CSMD1: variants seen among roughly 807,000 people sequenced by gnomAD.
CSMD1 encodes CUB and Sushi multiple domains 1.
In CSMD1, 213 loss-of-function variants were observed where a neutral mutation model predicts 417.5. The observed-to-expected ratio is 0.51, with a 90% CI of 0.46 to 0.57. The LOEUF is 0.57. Among genes scored for constraint, CSMD1 ranks in the 20% least tolerant of loss-of-function variants. CSMD1 has a pLI of 0.00. For missense variants in CSMD1, 6,923 were observed against 4,529.7 expected (o/e 1.53, Z -15.17); for synonymous variants, 2,862 against 1,736.8 (o/e 1.65, Z -16.11).
At chr8:4,040,562 T>G (rs969836339) in intron 3 of CSMD1, among the ~76,000 whole-genome samples, 2 of 152,290 alleles carry the variant, frequency 1.3e-5, no homozygotes, top group Admixed American at 6.5e-5. Flanking sequence ...AGATCTACGG[T>G]GTTCACAATG....
chr8:3,683,054 G>T (rs1379663011), intron 7 of CSMD1, among the ~76,000 whole-genome samples: 1 of 152,062 alleles, frequency 6.6e-6, no homozygotes, highest in African/African-American at 2.4e-5. Context: ...TGTGGGGTGG[G>T]GGTAGAGGGA....
intron 5 of CSMD1, among the ~76,000 whole-genome samples, chr8:3,935,791 A>G (rs1217033413): frequency 6.6e-6 from 1 of 152,168 alleles, no homozygotes; most frequent in East Asian, 1.9e-4. Flanking sequence ...ATAAGCCTAC[A>G]GTGGCCTTTA....
intron 5 of CSMD1, among the ~76,000 whole-genome samples, chr8:3,865,615 T>C (rs1233678494): frequency 6.6e-6 from 1 of 152,160 alleles, no homozygotes; most frequent in Non-Finnish European, 1.5e-5. Context: ...GCCAATGTGT[T>C]ATTCCTTCAT....
chr8:4,216,752 A>G (rs933608569), intron 3 of CSMD1, among the ~76,000 whole-genome samples: 3 of 152,208 alleles, frequency 2.0e-5, no homozygotes, highest in African/African-American at 7.2e-5. Context: ...GACCTTTAAA[A>G]TTACCATTCT....
At chr8:4,761,882 TCTATCTAC>T (rs67197848) in intron 1 of CSMD1, among the ~76,000 whole-genome samples, 15,144 of 96,572 alleles carry the variant, frequency 0.16, 991 homozygotes, top group East Asian at 0.3. Context: ...TATCTATCTA[TCTATCTAC>T]CTACCTATCT....
chr8:3,401,432 G>C (rs1812031904), intron 15 of CSMD1, among the ~76,000 whole-genome samples: 1 of 152,056 alleles, frequency 6.6e-6, no homozygotes, highest in African/African-American at 2.4e-5. Context: ...GTTAGAACCT[G>C]AATTGCTTTA....
chr8:3,695,079 A>G (rs1585088981), intron 7 of CSMD1, among the ~76,000 whole-genome samples: 1 of 61,200 alleles, frequency 1.6e-5, no homozygotes, highest in South Asian at 6.0e-4. Flanking sequence ...AAAGAATTGG[A>G]GGCCCTGCGT....
chr8:3,674,950 G>A (rs180676942), intron 7 of CSMD1, among the ~76,000 whole-genome samples: 1 of 152,204 alleles, frequency 6.6e-6, no homozygotes, highest in Non-Finnish European at 1.5e-5. Context: ...GCCTCTGTAG[G>A]CCAAAAACAT....
intron 3 of CSMD1, among the ~76,000 whole-genome samples, chr8:4,214,109 C>A (rs142915382): frequency 1.3e-5 from 2 of 151,784 alleles, no homozygotes; most frequent in African/African-American, 4.9e-5. Flanking sequence ...CAATTTCATT[C>A]CAGTTTTTTT....
intron 5 of CSMD1, among the ~76,000 whole-genome samples, chr8:3,897,415 G>C (rs1179599908): frequency 1.3e-5 from 2 of 152,046 alleles, no homozygotes; most frequent in African/African-American, 2.4e-5. Flanking sequence ...GTTTCTCAAA[G>C]ACCTGTTATT....
intron 1 of CSMD1, among the ~76,000 whole-genome samples, chr8:4,774,891 G>C (rs1044597795): frequency 3.3e-5 from 5 of 152,246 alleles, no homozygotes; most frequent in African/African-American, 1.2e-4. Context: ...AGTTACCTGA[G>C]GCCTCCGCAG....
chr8:4,273,412 G>C (rs899743178), intron 3 of CSMD1, among the ~76,000 whole-genome samples: 2 of 152,100 alleles, frequency 1.3e-5, no homozygotes, highest in East Asian at 3.9e-4. Flanking sequence ...GTGCAACCCT[G>C]CTCAGGTCAA....
rs147890157 is a variant in CSMD1 at position 4,435,268 on chromosome 8, T to G, written c.303-15203A>C. Among the ~76,000 whole-genome samples the G allele has an allele frequency of 6.2e-3, 941 of 152,336 alleles. 11 individuals carry two copies. The highest frequency in any genetic ancestry group is 0.022 in the African/African-American group (901 of 41,588). On this transcript the variant is annotated intron_variant, in intron 2 of 69. Coordinates refer to ENST00000635120, the MANE Select transcript of CSMD1 (RefSeq NM_033225.6). ...AATGTATGTTTTATAAGTACTTTGT[T>G]AATCCACCTACTGTTCACAAATGAT...
At chr8:4,560,024 T>G (rs896162811) in intron 2 of CSMD1, among the ~76,000 whole-genome samples, 1 of 152,200 alleles carries the variant, frequency 6.6e-6, no homozygotes, top group Admixed American at 6.5e-5. Flanking sequence ...AGAAATGCAG[T>G]TGACAGACAG....
intron 7 of CSMD1, among the ~76,000 whole-genome samples, chr8:3,626,246 C>A (rs1796487457): frequency 6.6e-6 from 1 of 152,174 alleles, no homozygotes; most frequent in African/African-American, 2.4e-5. Context: ...GACTTAGGGC[C>A]TGTCATTTCT....
rs192374392 is a variant in CSMD1 at position 4,709,045 on chromosome 8, A to G, written c.86-71487T>C. On this transcript the variant is annotated intron_variant, in intron 1 of 69. Coordinates refer to ENST00000635120, the MANE Select transcript of CSMD1 (RefSeq NM_033225.6). ...GTCTATTGCTGAAGCTTCCCAGTCTATGGTACTTTGTTATGGGAGCCCTAG... is the reference window on the plus strand; with the variant it reads ...GTCTATTGCTGAAGCTTCCCAGTCTGTGGTACTTTGTTATGGGAGCCCTAG... Among the ~76,000 whole-genome samples, 34 of 152,328 alleles carry G rather than the reference A, an allele frequency of 2.2e-4. No individual in the cohort carries two copies. In the East Asian group the frequency reaches 3.9e-3, roughly 17 times the overall value.
At chr8:4,391,725 G>A (rs747728747) in intron 3 of CSMD1, among the ~76,000 whole-genome samples, 50 of 152,132 alleles carry the variant, frequency 3.3e-4, no homozygotes, top group Non-Finnish European at 5.4e-4. Context: ...AAACCTCCAA[G>A]TGCAATGTGC....
intron 7 of CSMD1, among the ~76,000 whole-genome samples, chr8:3,639,564 C>T (rs1303973465): frequency 1.3e-5 from 2 of 152,116 alleles, no homozygotes; most frequent in Non-Finnish European, 2.9e-5. Flanking sequence ...CCTGCCTCAA[C>T]CAGACCATCC....
chr8:3,768,052 C>A (rs1300225187), intron 5 of CSMD1, among the ~76,000 whole-genome samples: 2 of 152,040 alleles, frequency 1.3e-5, no homozygotes, highest in Non-Finnish European at 2.9e-5. Context: ...ATCTTTGACC[C>A]CGAGTATAGA....
Sources: allele counts gnomAD v4.1 joint callset (sites outside exome capture counted in the v4.1 genomes callset), GRCh38; gene constraint gnomAD v4.1.1; transcripts MANE v1.5; gene names NCBI Gene and HGNC (gene_info 2026-07-23, HGNC 2026-07-21).